Variants in MAGI2 observed in about 807,000 individuals in gnomAD.
MAGI2 encodes membrane-associated guanylate kinase, WW and PDZ domain-containing protein 2.
In MAGI2, 35 loss-of-function variants were observed where a neutral mutation model predicts 133.3. The observed-to-expected ratio is 0.26, with a 90% CI of 0.20 to 0.35. MAGI2 has a LOEUF of 0.35. Ranked by LOEUF, MAGI2 falls within the 10% of genes least tolerant of loss-of-function variation. The probability of loss-of-function intolerance (pLI) is 1.00; values close to 1 mark genes in which losing one functional copy is unlikely to be tolerated. For missense variants in MAGI2, 1,636 were observed against 1,863.4 expected, an observed-to-expected ratio of 0.88 and a Z score of 2.25; for synonymous variants, 729 against 710.6, an observed-to-expected ratio of 1.03 and a Z score of -0.41.
intron 1 of MAGI2, among the ~76,000 whole-genome samples, chr7:79,087,928 G>T (rs190799875): frequency 6.6e-6 from 1 of 151,992 alleles, no homozygotes; most frequent in Non-Finnish European, 1.5e-5. Flanking sequence ...GTCCAGTAGC[G>T]TGATGCCTCC....
intron 1 of MAGI2, among the ~76,000 whole-genome samples, chr7:79,123,026 A>G (rs1193835767): frequency 1.3e-5 from 2 of 152,196 alleles, no homozygotes; most frequent in Admixed American, 1.3e-4. Context: ...TGAAATGTTC[A>G]TTAAGAGAAA....
At position 78,458,638 on chromosome 7, in the gene MAGI2, G is replaced by GTTTTT. The variant is rs201088493; in HGVS notation, c.1045+31122_1045+31123insAAAAA. 5.2e-5 allele frequency among the ~76,000 whole-genome samples: 7 copies of GTTTTT among 134,888 alleles called. 1 individual carries two copies. The highest frequency in any genetic ancestry group is 6.4e-5 in the Non-Finnish European group (4 of 62,268). 88.5% of individuals were successfully genotyped at this position (134,888 alleles called of 152,430 possible). On this transcript the variant is annotated intron_variant, in intron 6 of 21. Transcript: ENST00000354212. ...CTTTGCTGCAATCTGTTTTTTGTTAGGTTTTTTTTTTTTTGAGACAGAGTC... is the reference window on the plus strand; with the variant it reads ...CTTTGCTGCAATCTGTTTTTTGTTAGTTTTTGTTTTTTTTTTTTTGAGACAGAGTC...
At chr7:79,077,042 T>C (rs1208984050) in intron 1 of MAGI2, among the ~76,000 whole-genome samples, 4 of 152,178 alleles carry the variant, frequency 2.6e-5, no homozygotes, top group Non-Finnish European at 5.9e-5. Context: ...AATAATACCA[T>C]TTATTTGGGG....
chr7:78,675,295 A>G (rs1814894348), intron 2 of MAGI2, among the ~76,000 whole-genome samples: 1 of 151,834 alleles, frequency 6.6e-6, no homozygotes, highest in Non-Finnish European at 1.5e-5. Flanking sequence ...GTGTGTTTGA[A>G]TGTGTGATTC....
chr7:79,289,964 G>T (rs1454694317), intron 1 of MAGI2, among the ~76,000 whole-genome samples: 1 of 151,712 alleles, frequency 6.6e-6, no homozygotes, highest in Non-Finnish European at 1.5e-5. Context: ...ATATTGGGTG[G>T]GATTCCAGCT....
intron 6 of MAGI2, among the ~76,000 whole-genome samples, chr7:78,477,467 T>C (rs1791892608): frequency 6.6e-6 from 1 of 151,948 alleles, no homozygotes; most frequent in African/African-American, 2.4e-5. Context: ...CGAGACTGGG[T>C]AATTTATAAA....
At chr7:78,908,840 T>C (rs1360768280) in intron 2 of MAGI2, among the ~76,000 whole-genome samples, 1 of 151,892 alleles carries the variant, frequency 6.6e-6, no homozygotes, top group Non-Finnish European at 1.5e-5. Context: ...GTTGTGCAGA[T>C]AGAAAATAGA....
At chr7:78,570,643 G>T (rs1031751342) in intron 3 of MAGI2, among the ~76,000 whole-genome samples, 4 of 152,058 alleles carry the variant, frequency 2.6e-5, no homozygotes, top group African/African-American at 9.7e-5. Context: ...TAGGGCTATG[G>T]TTCCACAAAA....
chr7:79,169,863 T>A, intron 1 of MAGI2, among the ~76,000 whole-genome samples: 1 of 151,972 alleles, frequency 6.6e-6, no homozygotes, highest in East Asian at 1.9e-4. Context: ...CTCTCTCTTT[T>A]TTTTTGTCTT....
At chr7:78,088,709 G>T (rs562612704) in intron 20 of MAGI2, among the ~76,000 whole-genome samples, 1 of 152,270 alleles carries the variant, frequency 6.6e-6, no homozygotes, top group South Asian at 2.1e-4. Context: ...CAGGCCCACA[G>T]CACCAAGGCA....
intron 6 of MAGI2, among the ~76,000 whole-genome samples, chr7:78,469,603 T>G (rs1289427883): frequency 6.6e-6 from 1 of 152,204 alleles, no homozygotes; most frequent in African/African-American, 2.4e-5. Flanking sequence ...AGACTTCTCT[T>G]TATGAAATAG....
chr7:78,291,460 A>T (rs977695335), intron 9 of MAGI2, among the ~76,000 whole-genome samples: 1 of 152,214 alleles, frequency 6.6e-6, no homozygotes, highest in Non-Finnish European at 1.5e-5. Flanking sequence ...AACCAAAAAA[A>T]GTCCAGGACC....
chr7:78,697,801 C>T (rs190073016), intron 2 of MAGI2, among the ~76,000 whole-genome samples: 2 of 152,064 alleles, frequency 1.3e-5, no homozygotes, highest in East Asian at 3.9e-4. Context: ...TTTATTATGT[C>T]TACATTGCCT....
At chr7:78,585,001 G>A (rs1286966782) in intron 3 of MAGI2, among the ~76,000 whole-genome samples, 1 of 152,156 alleles carries the variant, frequency 6.6e-6, no homozygotes, top group African/African-American at 2.4e-5. Flanking sequence ...AGGATTTAAA[G>A]ATGTTTGAAA....
At chr7:79,422,840 G>T (rs1847072838) in intron 1 of MAGI2, among the ~76,000 whole-genome samples, 1 of 152,046 alleles carries the variant, frequency 6.6e-6, no homozygotes, top group Non-Finnish European at 1.5e-5. Context: ...TGCCAAGGTA[G>T]ATAGACAAAC....
chr7:78,217,573 C>G (rs543620086), intron 10 of MAGI2, among the ~76,000 whole-genome samples: 2 of 152,290 alleles, frequency 1.3e-5, no homozygotes, highest in Admixed American at 6.5e-5. Flanking sequence ...AAAGGGATGA[C>G]TACACATATC....
At chr7:78,579,350 T>C (rs777976370) in intron 3 of MAGI2, among the ~76,000 whole-genome samples, 1 of 152,140 alleles carries the variant, frequency 6.6e-6, no homozygotes, top group Non-Finnish European at 1.5e-5. Context: ...GAGACCAGGA[T>C]ATACCTCCCC....
chr7:78,182,265 A>C (rs1827257139), intron 13 of MAGI2, among the ~76,000 whole-genome samples: 1 of 152,180 alleles, frequency 6.6e-6, no homozygotes, highest in Non-Finnish European at 1.5e-5. Context: ...TGACTTCTGG[A>C]TTTCTATGCA....
At chr7:78,141,951 T>C (rs1822805500) in intron 16 of MAGI2, among the ~76,000 whole-genome samples, 1 of 152,224 alleles carries the variant, frequency 6.6e-6, no homozygotes, top group South Asian at 2.1e-4. Context: ...ATACCAATTG[T>C]TAAAAATTTG....
Sources: allele counts gnomAD v4.1 joint callset (sites outside exome capture counted in the v4.1 genomes callset), GRCh38; gene constraint gnomAD v4.1.1; transcripts MANE v1.5; gene names NCBI Gene and HGNC (gene_info 2026-07-23, HGNC 2026-07-21).